The following AP3D1 variants were observed in gnomAD, a reference collection of about 807,000 sequenced individuals.
AP3D1 encodes the protein AP-3 complex subunit delta-1.
A neutral mutation model predicts 147.6 loss-of-function variants in AP3D1; 51 were observed. The observed-to-expected ratio is 0.35, with a 90% CI of 0.28 to 0.44. AP3D1 has a LOEUF of 0.44. AP3D1 is among the 20% of genes least tolerant of loss of function. The pLI, the probability that AP3D1 is intolerant of heterozygous loss-of-function variation, is 1.00. For synonymous variants in AP3D1, 760 were observed against 663.0 expected (o/e 1.15, Z -2.25); for missense variants, 1,421 against 1,624.2 (o/e 0.87, Z 2.15).
chr19:2,137,834 A>G, intron 2 of AP3D1, 27 bp from the exon 3 acceptor site: 3 of 1,609,342 alleles, frequency 1.9e-6, no homozygotes, highest in Middle Eastern at 1.7e-4. Flanking sequence ...AGGAAATTGC[A>G]CTCACAAGCC....
intron 1 of AP3D1, among the ~76,000 whole-genome samples, chr19:2,158,633 T>C (rs952473970): frequency 6.6e-6 from 1 of 151,046 alleles, no homozygotes; most frequent in Non-Finnish European, 1.5e-5. Context: ...GAGATGGAGA[T>C]TCGCTCTTGT....
chr19:2,113,477 A>G (rs2145031336), intron 22 of AP3D1, 64 bp from the exon 23 acceptor site: 5 of 1,029,372 alleles, frequency 4.9e-6, no homozygotes, highest in Non-Finnish European at 6.7e-6. Flanking sequence ...GGGGACGGGG[A>G]CAGCAGGGCC....
At position 2,109,158 on chromosome 19, in the gene AP3D1, T is replaced by G. The variant is rs25673; in HGVS notation, c.3400A>C (p.Ile1134Leu). The G allele has an allele frequency of 7.6e-4, 1,217 of 1,609,598 alleles. 1 individual carries two copies. The highest frequency in any genetic ancestry group is 9.9e-4 in the Non-Finnish European group (1,164 of 1,178,590). Reference protein sequence around the residue: ...LESGDLSMSSIKVDGIRMSFQ... With the variant: ...LESGDLSMSSLKVDGIRMSFQ... ...GACATCCGAATGCCATCGACTTTGA[T>G]TGAGCTCATGCTCAAGTCCCCAGAC... Residue 1134 changes from isoleucine (I) to leucine (L), a missense_variant, in exon 30 of 32, where the codon ATC (isoleucine) becomes CTC (leucine). Physicochemically the swap from Ile to Leu is conservative, Grantham distance 5. Transcript: ENST00000643116.
chr19:2,125,198 G>A (rs995069929), intron 9 of AP3D1, among the ~76,000 whole-genome samples: 1 of 152,166 alleles, frequency 6.6e-6, no homozygotes, highest in African/African-American at 2.4e-5. Context: ...TGGACAGAAA[G>A]TCTACATATA....
upstream of AP3D1, chr19:2,164,489 GCGC>G (rs2019832195): frequency 3.1e-6 from 1 of 321,110 alleles, no homozygotes; most frequent in African/African-American, 2.2e-5. Context: ...GCGGGAGCCG[GCGC>G]CCCCGAGCCC....
At chr19:2,149,998 G>A (rs2019462436) in intron 1 of AP3D1, among the ~76,000 whole-genome samples, 1 of 152,242 alleles carries the variant, frequency 6.6e-6, no homozygotes, top group African/African-American at 2.4e-5. Context: ...AACCAAGGAG[G>A]CCGAAGGGAA....
intron 1 of AP3D1, among the ~76,000 whole-genome samples, chr19:2,156,665 A>G (rs2019647797): frequency 6.6e-6 from 1 of 152,016 alleles, no homozygotes; most frequent in Non-Finnish European, 1.5e-5. Flanking sequence ...CCTGGCTAAC[A>G]CAGTGAAACC....
At chr19:2,130,564 G>A (rs1051624228) in intron 5 of AP3D1, 27 bp from the exon 6 acceptor site, 13 of 1,612,138 alleles carry the variant, frequency 8.1e-6, no homozygotes, top group East Asian at 4.5e-5. Context: ...TTCAGCCTGC[G>A]CGGGCTTTCT....
chr19:2,155,531 C>CA (rs60793261), upstream of AP3D1, among the ~76,000 whole-genome samples: 1,801 of 54,676 alleles, frequency 0.033, 78 homozygotes, highest in African/African-American at 0.084. Context: ...GACTCTGTCT[C>CA]AAAAAAAAAA....
chr19:2,114,940 G>A (rs190426259), intron 20 of AP3D1, 119 bp from the exon 21 acceptor site: 9 of 1,156,188 alleles, frequency 7.8e-6, no homozygotes, highest in Middle Eastern at 2.4e-4. Context: ...GGGCAGTGAC[G>A]TGGCTCCACC....
intron 6 of AP3D1, among the ~76,000 whole-genome samples, chr19:2,129,742 G>T (rs892989428): frequency 6.6e-6 from 1 of 152,248 alleles, no homozygotes; most frequent in Admixed American, 6.5e-5. Context: ...CCTGACAGCG[G>T]CCCTCTGAGT....
rs1264990320 is a variant in AP3D1 at position 2,111,563 on chromosome 19, C to A, written c.2937+116G>T. On this transcript the variant is annotated intron_variant, in intron 25 of 31. Transcript: ENST00000643116. ...GCCAGTCCCCTGCCCCCGCCAGGCT[C>A]GGCTTCTTCTCGAATCTGCTCAGTT... 4 of 1,375,824 alleles carry A rather than the reference C, an allele frequency of 2.9e-6. No individual in the cohort carries two copies. In the African/African-American group the frequency reaches 4.3e-5, roughly 15 times the overall value. 85.2% of individuals were successfully genotyped at this position (1,375,824 alleles called of 1,614,324 possible).
chr19:2,151,416 C>T lies in AP3D1; in HGVS notation c.-82G>A. The T allele has an allele frequency of 1.1e-6, 1 of 906,092 alleles. No homozygotes were observed. Among genetic ancestry groups the T allele is most frequent in the Non-Finnish European group, 1.4e-6 (1 of 721,166 alleles). 56.1% of individuals were successfully genotyped at this position (906,092 alleles called of 1,614,324 possible). On this transcript the variant is annotated 5_prime_UTR_variant, in exon 1 of 32. Coordinates refer to ENST00000643116, the MANE Select transcript of AP3D1 (RefSeq NM_001261826.3). ...GCCCGGGGCCCGTGCCTGCCGCCCG[C>T]GGAGCGCCGCGCTGCCGGCCGCTGC...
chr19:2,125,059 C>T (rs1018636167), intron 9 of AP3D1, among the ~76,000 whole-genome samples: 2 of 152,182 alleles, frequency 1.3e-5, no homozygotes, highest in East Asian at 1.9e-4. Context: ...TGTTGGTGCA[C>T]ATAAATCTCA....
At chr19:2,122,693 C>T (rs1044327127) in intron 11 of AP3D1, among the ~76,000 whole-genome samples, 2 of 152,236 alleles carry the variant, frequency 1.3e-5, no homozygotes, top group African/African-American at 4.8e-5. Flanking sequence ...CGCGGTCTCT[C>T]TTGCAATACC....
In AP3D1 at chr19:2,161,155, G is replaced by GTT. The variant is rs58654241; in HGVS notation, c.-103+3199_-103+3200dup. 4.2e-3 allele frequency among the ~76,000 whole-genome samples: 524 copies of GTT among 125,278 alleles called. 1 individual carries two copies. The highest frequency in any genetic ancestry group is 6.3e-3 in the Non-Finnish European group (372 of 59,160). The allele number at this position is 125,278 out of a possible 152,430, so 82.2% of individuals were successfully genotyped here. On this transcript the variant is annotated intron_variant, in intron 1 of 14. Transcript: ENST00000643010. ...TCTGGCCCATCAGGAGCTTCTCCTA[G>GTT]TTTTTTTTTTTTTTTTTTTTTTTGA...
intron 22 of AP3D1, among the ~76,000 whole-genome samples, chr19:2,113,725 A>G (rs1599448305): frequency 6.6e-6 from 1 of 152,252 alleles, no homozygotes; most frequent in Admixed American, 6.5e-5. Flanking sequence ...GTGGGTGTGG[A>G]CAGGCTCCCA....
At chr19:2,164,366 T>A (rs2019826950) in exon 1 of AP3D1, 1 of 773,928 alleles carries the variant, frequency 1.3e-6, no homozygotes, top group Admixed American at 4.6e-5. Context: ...CGGTCCCCCC[T>A]GCGGAACGGA....
At chr19:2,118,927 A>G in intron 14 of AP3D1, 95 bp from the exon 15 acceptor site, 1 of 1,158,268 alleles carries the variant, frequency 8.6e-7, no homozygotes, top group Non-Finnish European at 1.2e-6. Context: ...CGTCACCAAC[A>G]AGGTGACTCT....
Sources: allele counts gnomAD v4.1 joint callset (sites outside exome capture counted in the v4.1 genomes callset), GRCh38; gene constraint gnomAD v4.1.1; transcripts MANE v1.5; gene names NCBI Gene and HGNC (gene_info 2026-07-23, HGNC 2026-07-21).